MEX3C: variants seen among roughly 807,000 people sequenced by gnomAD.
The protein encoded by MEX3C is mex-3 RNA binding family member C.
In MEX3C, 15 loss-of-function variants were observed where a neutral mutation model predicts 35.5. The observed-to-expected ratio is 0.42, with a 90% CI of 0.28 to 0.65. MEX3C has a LOEUF of 0.65. MEX3C is among the 30% of genes least tolerant of loss of function. The probability of loss-of-function intolerance (pLI) is 0.20; values close to 1 mark genes in which losing one functional copy is unlikely to be tolerated. For missense variants in MEX3C, 711 were observed against 842.8 expected (o/e 0.84, Z 1.94); for synonymous variants, 390 against 352.8 (o/e 1.11, Z -1.18).
At chr18:51,186,141 C>CCA (rs1386612084) in intron 1 of MEX3C, among the ~76,000 whole-genome samples, 1 of 152,058 alleles carries the variant, frequency 6.6e-6, no homozygotes, top group Non-Finnish European at 1.5e-5. Context: ...CTGAACTTAC[C>CCA]CATTCACATG....
intron 1 of MEX3C, among the ~76,000 whole-genome samples, chr18:51,187,516 T>C (rs1912567205): frequency 6.6e-6 from 1 of 152,182 alleles, no homozygotes; most frequent in Non-Finnish European, 1.5e-5. Context: ...CTTACTACAA[T>C]GCCTGTTATT....
intron 1 of MEX3C, among the ~76,000 whole-genome samples, chr18:51,183,301 G>T (rs985696481): frequency 6.6e-6 from 1 of 152,168 alleles, no homozygotes; most frequent in East Asian, 1.9e-4. Context: ...TTAGATGGCA[G>T]CAAAAAGACC....
In MEX3C at chr18:51,176,490, T is replaced by C; in HGVS notation, c.1841A>G (p.Asn614Ser). The change falls in exon 2 of 2, where the codon AAT becomes AGT. Residue 614 changes from asparagine (N) to serine (S), a missense_variant. This residue lies in a region of MEX3C where 87 missense variants were observed against 150.4 expected (regional missense o/e 0.58). Transcript: ENST00000406189. ...RKHDCVICFE[N>S]EVIAALVPCG... ...TGGAACTAGGGCAGCAATAACCTCA[T>C]TCTCAAAGCAAATCACACAGTCGTG... 2 of 1,614,042 alleles carry C rather than the reference T, an allele frequency of 1.2e-6. No individual in the cohort carries two copies. The highest frequency in any genetic ancestry group is 1.7e-6 in the Non-Finnish European group (2 of 1,179,904).
At chr18:51,187,704 G>A (rs567576110) in intron 1 of MEX3C, among the ~76,000 whole-genome samples, 70 of 151,644 alleles carry the variant, frequency 4.6e-4, no homozygotes, top group South Asian at 4.2e-4. Context: ...GCGAAACTCC[G>A]TCTCAAAAAA....
At position 51,176,249 on chromosome 18, in the gene MEX3C, A is replaced by G; in HGVS notation, c.*102T>C. On this transcript the variant is annotated 3_prime_UTR_variant, in exon 2 of 2. Transcript: ENST00000406189. ...TAGCCTAATCCCAATAAAGCCTGAT[A>G]ACAGTCATAAGAAATCATTAGGAAG... 1 of 1,169,760 alleles carries G rather than the reference A, an allele frequency of 8.5e-7. No homozygotes were observed. Among genetic ancestry groups the G allele is most frequent in the Non-Finnish European group, 1.2e-6 (1 of 852,126 alleles). The allele number at this position is 1,169,760 out of a possible 1,614,324, so 72.5% of individuals were successfully genotyped here. A position where few individuals can be genotyped will look rare whatever the true frequency, so the allele number is the denominator to read the frequency against.
intron 1 of MEX3C, chr18:51,195,757 A>G (rs1172096024): frequency 6.6e-6 from 1 of 152,374 alleles, no homozygotes; most frequent in African/African-American, 2.4e-5. Flanking sequence ...GGAATCTGAG[A>G]CACAGGTCCT....
intron 1 of MEX3C, chr18:51,195,138 C>T (rs1163722092): frequency 1.3e-5 from 2 of 152,224 alleles, no homozygotes; most frequent in Non-Finnish European, 2.9e-5. Context: ...AGTGTTCTTA[C>T]ATGAATGGTC....
rs1472318370 is a variant in MEX3C at position 51,177,951 on chromosome 18, G to A, written c.755-375C>T. 2.0e-5 allele frequency among the ~76,000 whole-genome samples: 3 copies of A among 152,192 alleles called. No individual in the cohort carries two copies. The highest frequency in any genetic ancestry group is 4.4e-5 in the Non-Finnish European group (3 of 68,046). On this transcript the variant is annotated intron_variant, in intron 1 of 1. Transcript: ENST00000406189. The surrounding 1 kb of genome is among the most constrained non-coding windows in gnomAD (Gnocchi z 4.2). ...CTCCCACCAGTTAAATTCTAGGCCT[G>A]CTATGATTCAGTTTTGTTTATTCCC...
chr18:51,179,814 C>A (rs1912386353), intron 1 of MEX3C, among the ~76,000 whole-genome samples: 1 of 152,116 alleles, frequency 6.6e-6, no homozygotes, highest in African/African-American at 2.4e-5. Context: ...TCTATTGATG[C>A]TTAAGAAATT....
intron 1 of MEX3C, among the ~76,000 whole-genome samples, chr18:51,187,740 C>T (rs949879881): frequency 6.6e-6 from 1 of 151,930 alleles, no homozygotes; most frequent in Non-Finnish European, 1.5e-5. Flanking sequence ...AAACAAAAAC[C>T]CTAAATCATC....
chr18:51,192,807 G>A (rs1568235058), intron 1 of MEX3C: 2 of 152,152 alleles, frequency 1.3e-5, no homozygotes, highest in African/African-American at 4.8e-5. Flanking sequence ...TAACCACCTA[G>A]CAGGGTTAAA....
chr18:51,184,263 G>C (rs2096895869), intron 1 of MEX3C, among the ~76,000 whole-genome samples: 1 of 152,142 alleles, frequency 6.6e-6, no homozygotes, highest in African/African-American at 2.4e-5. Context: ...GAGGACATGA[G>C]CCGCAGATAA....
At chr18:51,196,454 G>A (rs1912789422) in intron 1 of MEX3C, 113 bp downstream of exon 1, 1 of 1,464,600 alleles carries the variant, frequency 6.8e-7, no homozygotes, top group Non-Finnish European at 9.0e-7. Context: ...CCCCTTCGCG[G>A]TGGACTTGGG....
At chr18:51,196,037 G>A (rs915331786) in intron 1 of MEX3C, 1 of 154,050 alleles carries the variant, frequency 6.5e-6, no homozygotes, top group African/African-American at 2.4e-5. Context: ...CAACAGCGGA[G>A]GGGCAGGGGA....
At chr18:51,196,538 C>G in intron 1 of MEX3C, 29 bp downstream of exon 1, 1 of 1,546,580 alleles carries the variant, frequency 6.5e-7, no homozygotes, top group Non-Finnish European at 8.7e-7. Context: ...GGGCCATGCC[C>G]AGCTGGACCT....
chr18:51,196,967 C>T lies in MEX3C; in HGVS notation c.354G>A (p.Ala118=), dbSNP rs1403663779. 1 of 1,542,036 alleles carries T rather than the reference C, an allele frequency of 6.5e-7. No individual in the cohort carries two copies. The highest frequency in any genetic ancestry group is 8.7e-7 in the Non-Finnish European group (1 of 1,145,276). The change falls in exon 1 of 2, where the codon GCG becomes GCA. Residue 118 remains alanine, a synonymous_variant. Transcript: ENST00000406189. ...CCTCCAGCAGGTCTCCGTCCAGCTC[C>T]GCTTCCTCCCCCTCCTCCTCGTCCT... is the stretch of plus-strand genomic sequence containing the variant. The part of the protein sequence containing the change: ...LEEDEEEGEE[A]ELDGDLLEEE...
At chr18:51,187,022 C>T (rs1912555858) in intron 1 of MEX3C, among the ~76,000 whole-genome samples, 1 of 152,144 alleles carries the variant, frequency 6.6e-6, no homozygotes, top group South Asian at 2.1e-4. Flanking sequence ...AGTTAAACAT[C>T]TTGAGTAGCT....
intron 1 of MEX3C, among the ~76,000 whole-genome samples, chr18:51,178,494 T>C (rs1912351852): frequency 6.6e-6 from 1 of 152,098 alleles, no homozygotes; most frequent in African/African-American, 2.4e-5. Flanking sequence ...TCTGGGGTTA[T>C]ACTTTTCAAA....
At chr18:51,179,340 T>C (rs1466960636) in intron 1 of MEX3C, among the ~76,000 whole-genome samples, 2 of 152,220 alleles carry the variant, frequency 1.3e-5, no homozygotes, top group African/African-American at 4.8e-5. Flanking sequence ...ATCACTTTTT[T>C]GCACAAAGTG....
Sources: gnomAD v4.1 joint callset for allele counts (sites outside exome capture counted in the v4.1 genomes callset) on GRCh38, gnomAD v4.1.1 for gene constraint, gnomAD v4.1.1 regional missense constraint, Gnocchi (gnomAD v3.1) non-coding constraint, MANE v1.5 for transcripts, NCBI Gene and HGNC (gene_info 2026-07-23, HGNC 2026-07-21) for gene names.